The following PARP1 variants were observed in gnomAD, a reference collection of about 807,000 sequenced individuals.
PARP1 encodes poly [ADP-ribose] polymerase 1.
Under a neutral mutation model 118.7 loss-of-function variants are expected in PARP1, and 44 were observed. That is an observed-to-expected ratio of 0.37 (90% confidence interval 0.29 to 0.48). PARP1 has a LOEUF of 0.48. PARP1 is among the 20% of genes least tolerant of loss of function. The pLI is 0.99. For synonymous variants in PARP1, 492 were observed against 483.2 expected (o/e 1.02, Z -0.24); for missense variants, 1,100 against 1,272.4 (o/e 0.86, Z 2.06).
chr1:226,375,723 T>C (rs1417387937), intron 13 of PARP1, among the ~76,000 whole-genome samples: 1 of 152,242 alleles, frequency 6.6e-6, no homozygotes, highest in Non-Finnish European at 1.5e-5. Flanking sequence ...TTTCATTGGC[T>C]TCTTGCTTTT....
Position 226,385,549 on chromosome 1 carries a change from C to G in PARP1, c.966G>C (p.Met322Ile). Residue 322 changes from methionine to isoleucine, a missense_variant, in exon 7 of 23, where the codon ATG (methionine) becomes ATC (isoleucine). Met to Ile is a conservative substitution (Grantham distance 10, BLOSUM62 1). This residue lies in a region of PARP1 where 948 missense variants were observed against 1,031.8 expected (regional missense o/e 0.92). Transcript: ENST00000366794. ...TGDVTAWTKC[M>I]VKTQTPNRKE... ...TCCGGTTGGGTGTCTGTGTCTTGAC[C>G]ATACACTTGGTCCAGGCAGTGACGT... 1 of 1,614,118 alleles carries G rather than the reference C, an allele frequency of 6.2e-7. No individual in the cohort carries two copies. The highest frequency in any genetic ancestry group is 8.5e-7 in the Non-Finnish European group (1 of 1,180,012).
At chr1:226,391,000 CT>C (rs33944799) in intron 3 of PARP1, among the ~76,000 whole-genome samples, 45,169 of 129,980 alleles carry the variant, frequency 0.35, 7,146 homozygotes, top group Non-Finnish European at 0.38. Context: ...CAATGCAGCA[CT>C]TTTTTTTTTT....
chr1:226,380,604 A>T (rs1018886946), intron 9 of PARP1, among the ~76,000 whole-genome samples: 10 of 152,238 alleles, frequency 6.6e-5, no homozygotes, highest in African/African-American at 2.2e-4. Flanking sequence ...CTTACAGAGC[A>T]GTGCGAAGTG....
At chr1:226,392,605 T>A in intron 2 of PARP1, 1 of 544,594 alleles carries the variant, frequency 1.8e-6, no homozygotes, top group East Asian at 3.2e-5. Flanking sequence ...TGGAGGCCCC[T>A]CCCACACTTT....
At position 226,377,176 on chromosome 1, in the gene PARP1, C is replaced by T. The variant is rs577466994; in HGVS notation, c.1873G>A (p.Ala625Thr). The change falls in exon 13 of 23, where the codon GCT (alanine) becomes ACT (threonine). Residue 625 changes from alanine to threonine, a missense_variant. Ala to Thr is a moderately conservative substitution (Grantham distance 58, BLOSUM62 0). Coordinates refer to ENST00000366794, the MANE Select transcript of PARP1 (RefSeq NM_001618.4). ...MKLYEEKTGN[A>T]WHSKNFTKYP... ...TTCGTGAAATTTTTGGAGTGCCAAG[C>T]GTTCCCGGTTTTTTCTTCATATAAT... is the stretch of plus-strand genomic sequence containing the variant. 110 of 1,614,030 alleles carry T rather than the reference C, an allele frequency of 6.8e-5. 1 individual carries two copies. The East Asian group carries it at 2.1e-3, about 31-fold the overall frequency.
At chr1:226,404,819 C>A (rs1263247666) in intron 1 of PARP1, among the ~76,000 whole-genome samples, 1 of 152,246 alleles carries the variant, frequency 6.6e-6, no homozygotes. Flanking sequence ...AGGGTCCTCA[C>A]CCAACCAGCA....
At chr1:226,403,099 C>A (rs1236162632) in intron 1 of PARP1, among the ~76,000 whole-genome samples, 1 of 152,188 alleles carries the variant, frequency 6.6e-6, no homozygotes. Context: ...AGAAGTCTGG[C>A]CACAGGGAAC....
chr1:226,400,815 G>A (rs1489109624), intron 2 of PARP1, among the ~76,000 whole-genome samples: 1 of 152,116 alleles, frequency 6.6e-6, no homozygotes, highest in Non-Finnish European at 1.5e-5. Flanking sequence ...GAGGCAGAAA[G>A]AACCAATGGA....
At chr1:226,380,245 G>T in intron 9 of PARP1, 81 bp from the exon 10 acceptor site, 1 of 1,377,646 alleles carries the variant, frequency 7.3e-7, no homozygotes, top group African/African-American at 1.4e-5. Flanking sequence ...GTTATATTTA[G>T]TGTGTACTTC....
chr1:226,369,078 G>T (rs1664326734), intron 15 of PARP1, among the ~76,000 whole-genome samples: 1 of 152,224 alleles, frequency 6.6e-6, no homozygotes, highest in African/African-American at 2.4e-5. Context: ...GGTGGCTCTG[G>T]CAATGGGTAA....
At chr1:226,377,733 G>A (rs1054324705) in intron 12 of PARP1, among the ~76,000 whole-genome samples, 2 of 152,106 alleles carry the variant, frequency 1.3e-5, no homozygotes, top group African/African-American at 2.4e-5. Flanking sequence ...GATGAAATGA[G>A]GGGGGCAGTG....
chr1:226,365,774 A>C (rs575236146), intron 18 of PARP1, among the ~76,000 whole-genome samples, 180 bp downstream of exon 18: 843 of 46,830 alleles, frequency 0.018, 7 homozygotes, highest in African/African-American at 0.088. Flanking sequence ...GTCAAAAAAA[A>C]AAACAAAAAA....
chr1:226,392,859 C>T, intron 2 of PARP1: 1 of 1,467,158 alleles, frequency 6.8e-7, no homozygotes, highest in African/African-American at 1.4e-5. Flanking sequence ...CCATTTGGGA[C>T]AAAAACTGGA....
intron 12 of PARP1, 48 bp from the exon 13 acceptor site, chr1:226,377,351 C>T: frequency 4.1e-6 from 6 of 1,451,522 alleles, no homozygotes; most frequent in Non-Finnish European, 5.8e-6. Flanking sequence ...GGTCAGCTGT[C>T]CCATTTCAGG....
chr1:226,377,762 C>T (rs1283407199), intron 12 of PARP1, among the ~76,000 whole-genome samples: 5 of 152,094 alleles, frequency 3.3e-5, no homozygotes, highest in Admixed American at 6.5e-5. Context: ...TCCTCAGGTC[C>T]GGTGACCTAG....
intron 2 of PARP1, 100 bp from the exon 3 acceptor site, chr1:226,392,414 G>A (rs1486589317): frequency 3.7e-6 from 3 of 818,266 alleles, no homozygotes; most frequent in African/African-American, 3.3e-5. Flanking sequence ...CTTCCACTAG[G>A]ACACCTTATG....
rs1181004092 is a variant in PARP1 at position 226,361,288 on chromosome 1, G to A, written c.*172C>T. On this transcript the variant is annotated 3_prime_UTR_variant, in exon 23 of 23. Transcript: ENST00000366794. The stretch of plus-strand genomic sequence containing the variant: ...TCCCCACAGACACAACACAAAACAA[G>A]GGACTTGAGAAGTTAGAGAAAACCT... 5 of 680,196 alleles carry A rather than the reference G, an allele frequency of 7.4e-6. No individual in the cohort carries two copies. The East Asian group carries it at 1.1e-4, about 15-fold the overall frequency. 42.1% of individuals were successfully genotyped at this position (680,196 alleles called of 1,614,324 possible). A position where few individuals can be genotyped will look rare whatever the true frequency, so the allele number is the denominator to read the frequency against.
chr1:226,386,281 G>C, intron 6 of PARP1, 45 bp downstream of exon 6: 1 of 1,140,564 alleles, frequency 8.8e-7, no homozygotes, highest in Non-Finnish European at 1.3e-6. Flanking sequence ...ACAACGACGG[G>C]GTCGGCCTCA....
intron 1 of PARP1, among the ~76,000 whole-genome samples, chr1:226,405,895 C>A (rs192050528): frequency 3.3e-5 from 5 of 152,068 alleles, no homozygotes; most frequent in Non-Finnish European, 5.9e-5. Flanking sequence ...GTGCATGGAT[C>A]GCTTGAGCTC....
Sources: gnomAD v4.1 joint callset for allele counts (sites outside exome capture counted in the v4.1 genomes callset) on GRCh38, gnomAD v4.1.1 for gene constraint, gnomAD v4.1.1 regional missense constraint, MANE v1.5 for transcripts, NCBI Gene and HGNC (gene_info 2026-07-23, HGNC 2026-07-21) for gene names.